Variants in HSF2BP observed in about 807,000 individuals in gnomAD.
The protein encoded by HSF2BP is heat shock transcription factor 2 binding protein.
HSF2BP carries 35 observed loss-of-function variants against 35.0 expected under a neutral mutation model. That is an observed-to-expected ratio of 1.00 (90% CI 0.76 to 1.32). The LOEUF is 1.32. Among genes scored for constraint, HSF2BP ranks in the 40% most tolerant of loss-of-function variants. HSF2BP has a pLI of 0.00. For missense variants in HSF2BP, 326 were observed against 321.7 expected (o/e 1.01, Z -0.10); for synonymous variants, 114 against 117.4 (o/e 0.97, Z 0.18).
intron 7 of HSF2BP, among the ~76,000 whole-genome samples, chr21:43,604,664 CACACA>C (rs2082103620): frequency 7.7e-6 from 1 of 130,570 alleles, no homozygotes; most frequent in Admixed American, 7.5e-5. Flanking sequence ...ACACCACACA[CACACA>C]CCACCACACA....
In HSF2BP at chr21:43,574,397, G is replaced by A. The variant is rs146920626; in HGVS notation, c.796+17828C>T. ...TTTTGAGACGGAGTCTCGCTCTGTC[G>A]CCCAGGCTGGAATGCAGTGGTGCGA... is the stretch of plus-strand genomic sequence containing the variant. On this transcript the variant is annotated intron_variant, in intron 8 of 8. Transcript: ENST00000291560. Among the ~76,000 whole-genome samples, 750 of 150,052 alleles carry A rather than the reference G, an allele frequency of 5.0e-3. 10 individuals carry two copies. Among genetic ancestry groups the A allele is most frequent in the African/African-American group, 0.018 (714 of 40,690 alleles).
At chr21:43,634,537 A>G (rs1399614999) in intron 4 of HSF2BP, among the ~76,000 whole-genome samples, 2 of 152,244 alleles carry the variant, frequency 1.3e-5, no homozygotes, top group Admixed American at 6.5e-5. Context: ...AAGACAAAGT[A>G]GAGGGGGCTT....
rs565017984 is a variant in HSF2BP, at chr21:43,600,970, T to C, written c.693-8642A>G. 3.0e-4 allele frequency among the ~76,000 whole-genome samples: 46 copies of C among 152,364 alleles called. No individual in the cohort carries two copies. The East Asian group carries it at 3.5e-3, about 11-fold the overall frequency. On this transcript the variant is annotated intron_variant, in intron 7 of 8. Transcript: ENST00000291560. ...CCATGGTGAGATTTGTTTATGTTGA[T>C]TTCTATAGCTCCAACCTATTTCCAC... is the stretch of plus-strand genomic sequence containing the variant.
chr21:43,632,055 CCCACACACG>C (rs2082471123), intron 5 of HSF2BP, among the ~76,000 whole-genome samples: 1 of 65,858 alleles, frequency 1.5e-5, no homozygotes, highest in Non-Finnish European at 2.6e-5. Flanking sequence ...ACGCTCCCCC[CCCACACACG>C]CTCCCACATA....
chr21:43,457,881 T>C, the HSF2BP span, among the ~76,000 whole-genome samples: 1 of 14,044 alleles, frequency 7.1e-5, no homozygotes, highest in Non-Finnish European at 1.4e-4. Flanking sequence ...CTCCCCTGCC[T>C]GCATCTGGTC....
intron 6 of HSF2BP, among the ~76,000 whole-genome samples, chr21:43,626,288 A>T (rs963571279): frequency 6.6e-6 from 1 of 152,234 alleles, no homozygotes. Flanking sequence ...ATTTTCTCTC[A>T]CTTTAACAGC....
Position 43,603,064 on chromosome 21 carries a change from T to C in HSF2BP, c.693-10736A>G, listed in dbSNP as rs144425489. Among the ~76,000 whole-genome samples, 545 of 151,576 alleles carry C rather than the reference T, an allele frequency of 3.6e-3. 5 individuals carry two copies. Among genetic ancestry groups the C allele is most frequent in the African/African-American group, 0.012 (516 of 41,322 alleles). ...AAATAACCCGGCCTCCATAAGGAAG[T>C]ACAAAAAAAGGAAGGGAAACTTTAA... On this transcript the variant is annotated intron_variant, in intron 7 of 8. Transcript: ENST00000291560.
chr21:43,578,105 C>T (rs368428675), intron 8 of HSF2BP, among the ~76,000 whole-genome samples: 5 of 152,184 alleles, frequency 3.3e-5, no homozygotes, highest in South Asian at 2.1e-4. Context: ...TCTCTTCACA[C>T]GAACGTGCGT....
intron 7 of HSF2BP, among the ~76,000 whole-genome samples, chr21:43,599,637 T>C (rs957183603): frequency 3.3e-5 from 5 of 151,346 alleles, no homozygotes; most frequent in African/African-American, 1.2e-4. Flanking sequence ...CTACTAAAAA[T>C]ACAAAACTTA....
At chr21:43,581,385 CA>C (rs200342542) in intron 8 of HSF2BP, among the ~76,000 whole-genome samples, 8,286 of 105,398 alleles carry the variant, frequency 0.079, 713 homozygotes, top group African/African-American at 0.25. Flanking sequence ...GACTCTGTCT[CA>C]AAAAAAAAAA....
At chr21:43,506,122 G>A in the HSF2BP span, among the ~76,000 whole-genome samples, 18 of 133,176 alleles carry the variant, frequency 1.4e-4, 4 homozygotes, top group Middle Eastern at 7.8e-3. Context: ...CTCTTCCTTC[G>A]CGGGAGAAAC....
At chr21:43,575,020 G>A (rs1378756135) in intron 8 of HSF2BP, among the ~76,000 whole-genome samples, 2 of 152,238 alleles carry the variant, frequency 1.3e-5, no homozygotes, top group African/African-American at 4.8e-5. Flanking sequence ...CAGGGCACAG[G>A]AGCAGCAGGG....
At chr21:43,604,838 C>T (rs905465027) in intron 7 of HSF2BP, among the ~76,000 whole-genome samples, 1 of 147,408 alleles carries the variant, frequency 6.8e-6, no homozygotes, top group Non-Finnish European at 1.5e-5. Flanking sequence ...CCACACACAC[C>T]ACACATCACA....
intron 3 of HSF2BP, 30 bp from the exon 4 acceptor site, chr21:43,644,422 T>C: frequency 6.5e-7 from 1 of 1,537,770 alleles, no homozygotes; most frequent in Non-Finnish European, 9.0e-7. Context: ...TTACTCAAGA[T>C]ATTTCAAGTC....
At chr21:43,608,399 G>GTAC (rs1259561422) in intron 7 of HSF2BP, among the ~76,000 whole-genome samples, 1 of 151,934 alleles carries the variant, frequency 6.6e-6, no homozygotes, top group African/African-American at 2.4e-5. Context: ...CCACAATGAG[G>GTAC]TACTATCTCA....
intron 4 of HSF2BP, among the ~76,000 whole-genome samples, chr21:43,636,894 C>CAAAAAAAAAAAAAAAAAAAAGAAAAAAAA (rs2082568227): frequency 8.9e-6 from 1 of 112,042 alleles, no homozygotes. Context: ...CGTCTCAAAA[C>CAAAAAAAAAAAAAAAAAAAAGAAAAAAAA]AAAAAAAAAA....
intron 3 of HSF2BP, among the ~76,000 whole-genome samples, chr21:43,647,123 T>C (rs1197892934): frequency 6.6e-6 from 1 of 152,232 alleles, no homozygotes; most frequent in Non-Finnish European, 1.5e-5. Flanking sequence ...TCTCATACAA[T>C]AAGAATATAT....
rs532188341 is a variant in HSF2BP, at chr21:43,629,736, T to C, written c.574+586A>G. Among the ~76,000 whole-genome samples the C allele has an allele frequency of 3.3e-5, 5 of 152,330 alleles. No individual in the cohort carries two copies. The East Asian group carries it at 9.6e-4, about 29-fold the overall frequency. On this transcript the variant is annotated intron_variant, in intron 6 of 8. Transcript: ENST00000291560. ...ATGGAAGAACAAAGAAAGTGGTTTC[T>C]TGAGATGGAATCTACTCTTGGTGAA...
rs533376645 is a variant in HSF2BP, at chr21:43,654,252, T to C, written c.187+2335A>G. The stretch of plus-strand genomic sequence containing the variant: ...GCACAAATTTTGTTCTTTGAAATTA[T>C]ACAAGTAAGAAGATCCCACTCTTGC... On this transcript the variant is annotated intron_variant, in intron 3 of 8. Coordinates refer to ENST00000291560, the MANE Select transcript of HSF2BP (RefSeq NM_007031.2). Among the ~76,000 whole-genome samples the C allele has an allele frequency of 6.5e-4, 99 of 152,354 alleles. 1 individual carries two copies. Among genetic ancestry groups the C allele is most frequent in the African/African-American group, 2.3e-3 (96 of 41,580 alleles).
Sources: allele counts gnomAD v4.1 joint callset (sites outside exome capture counted in the v4.1 genomes callset), GRCh38; gene constraint gnomAD v4.1.1; transcripts MANE v1.5; gene names NCBI Gene and HGNC (gene_info 2026-07-23, HGNC 2026-07-21).